Variants in HEATR5A observed in about 807,000 individuals in gnomAD.
HEATR5A encodes the protein HEAT repeat containing 5A, also known as HEAT repeat-containing protein 5A.
HEATR5A carries 178 observed loss-of-function variants against 218.8 expected under a neutral mutation model. The observed-to-expected ratio is 0.81, with a 90% CI of 0.72 to 0.92. The LOEUF (loss-of-function observed/expected upper bound fraction) is 0.92. HEATR5A is among the 40% of genes least tolerant of loss of function. The pLI is 0.00. For missense variants in HEATR5A, 2,420 were observed against 2,418.9 expected (o/e 1.00, Z -0.01); for synonymous variants, 864 against 871.6 (o/e 0.99, Z 0.15).
intron 3 of HEATR5A, among the ~76,000 whole-genome samples, chr14:31,400,067 G>A (rs972272531): frequency 6.6e-6 from 1 of 152,112 alleles, no homozygotes; most frequent in Non-Finnish European, 1.5e-5. Flanking sequence ...AAAATTTTAG[G>A]AAGATGTTTT....
intron 22 of HEATR5A, 28 bp downstream of exon 22, chr14:31,337,448 T>G (rs1375306788): frequency 5.2e-6 from 8 of 1,524,914 alleles, no homozygotes; most frequent in Non-Finnish European, 7.1e-6. Context: ...TCATTTGAGC[T>G]GGACATAATC....
chr14:31,419,281 AG>A (rs763393852), intron 1 of HEATR5A, among the ~76,000 whole-genome samples: 1 of 152,202 alleles, frequency 6.6e-6, no homozygotes, highest in Admixed American at 6.5e-5. Context: ...TTATCAGTGA[AG>A]AAAAAAAAAA....
intron 32 of HEATR5A, among the ~76,000 whole-genome samples, chr14:31,304,511 G>A (rs535855540): frequency 1.3e-5 from 2 of 152,076 alleles, no homozygotes; most frequent in African/African-American, 2.4e-5. Flanking sequence ...TCCGCCTCCC[G>A]GGTTCAAGCG....
At chr14:31,349,362 C>T (rs533436688) in intron 18 of HEATR5A, among the ~76,000 whole-genome samples, 12 of 151,390 alleles carry the variant, frequency 7.9e-5, no homozygotes, top group Non-Finnish European at 1.0e-4. Context: ...CCAGCCTGGG[C>T]GACAGGGTGA....
chr14:31,404,925 G>GA (rs2031003034), intron 1 of HEATR5A, among the ~76,000 whole-genome samples: 1 of 148,886 alleles, frequency 6.7e-6, no homozygotes. Flanking sequence ...ATAAAAAAAA[G>GA]AAAAAATCTG....
chr14:31,307,850 A>T, intron 30 of HEATR5A, 43 bp downstream of exon 30: 1 of 1,584,164 alleles, frequency 6.3e-7, no homozygotes, highest in Non-Finnish European at 8.5e-7. Flanking sequence ...TCTCTTCCTT[A>T]AAGACTACAG....
At chr14:31,383,159 A>G (rs1483327362) in intron 10 of HEATR5A, among the ~76,000 whole-genome samples, 1 of 152,198 alleles carries the variant, frequency 6.6e-6, no homozygotes, top group Admixed American at 6.5e-5. Flanking sequence ...ATTTGAATCT[A>G]ACGTATGGGA....
At chr14:31,366,837 C>T (rs548609349) in intron 13 of HEATR5A, among the ~76,000 whole-genome samples, 6 of 152,288 alleles carry the variant, frequency 3.9e-5, no homozygotes, top group Admixed American at 1.3e-4. Context: ...ACTAGGCTTG[C>T]ACCCATGGTA....
chr14:31,400,349 T>A lies in HEATR5A; in HGVS notation c.290A>T (p.Asp97Val). The A allele has an allele frequency of 6.5e-7, 1 of 1,535,880 alleles. No homozygotes were observed. Residue 97 changes from aspartate to valine, a missense_variant, in exon 3 of 36, where the codon GAT becomes GTT. Physicochemically the swap from Asp to Val is radical, Grantham distance 152 (BLOSUM62 -3). Coordinates refer to ENST00000543095, the MANE Select transcript of HEATR5A (RefSeq NM_015473.4). The stretch of plus-strand genomic sequence containing the variant: ...AGAATCATCTTTGCTACGAATAAGA[T>A]CATTACATTTATCGATTGCTTCATG... ...SVHEAIDKCN[D>V]LIRSKDDSPS...
chr14:31,312,823 A>G, intron 28 of HEATR5A, 145 bp downstream of exon 28: 8 of 642,172 alleles, frequency 1.2e-5, no homozygotes, highest in Non-Finnish European at 2.1e-5. Flanking sequence ...GCCTGAGCCC[A>G]GGAGGCAGAG....
At chr14:31,383,856 G>A in intron 9 of HEATR5A, 85 bp from the exon 10 acceptor site, 29 of 964,604 alleles carry the variant, frequency 3.0e-5, no homozygotes, top group South Asian at 1.4e-4. Flanking sequence ...ATAGCCACAT[G>A]GATATAAAAT....
At position 31,358,925 on chromosome 14, in the gene HEATR5A, T is replaced by G. The variant is rs1356028338; in HGVS notation, c.2204A>C (p.Gln735Pro). The change falls in exon 15 of 36, where the codon CAA becomes CCA. Residue 735 changes from glutamine to proline, a missense_variant. Gln to Pro is a moderately conservative substitution (Grantham distance 76, BLOSUM62 -1). Transcript: ENST00000543095. ...TTCAATAAATCTATGGTCAGTCTCT[T>G]GTAGGAAAGGACTTAGTATCAAAAG... ...DDLLILSPFL[Q>P]ETDHRFIEEQ... The G allele has an allele frequency of 1.9e-6, 3 of 1,594,606 alleles. No homozygotes were observed. The East Asian group carries it at 6.7e-5, about 36-fold the overall frequency.
At chr14:31,390,177 A>C (rs1566779553) in intron 6 of HEATR5A, among the ~76,000 whole-genome samples, 2 of 152,158 alleles carry the variant, frequency 1.3e-5, no homozygotes, top group Non-Finnish European at 2.9e-5. Flanking sequence ...ATGGGGATGG[A>C]GCAGTGGAGG....
intron 4 of HEATR5A, among the ~76,000 whole-genome samples, chr14:31,398,235 A>G (rs2030733046): frequency 6.6e-6 from 1 of 152,026 alleles, no homozygotes; most frequent in African/African-American, 2.4e-5. Context: ...CATCCTCTAC[A>G]CTCTTTCCCC....
chr14:31,321,406 T>C, intron 25 of HEATR5A, 93 bp downstream of exon 25: 1 of 987,330 alleles, frequency 1.0e-6, no homozygotes, highest in South Asian at 2.1e-5. Flanking sequence ...CCTCCCGAAG[T>C]GCTGGGATTA....
intron 14 of HEATR5A, among the ~76,000 whole-genome samples, chr14:31,362,868 T>C (rs982851591): frequency 4.6e-5 from 7 of 152,042 alleles, no homozygotes; most frequent in Non-Finnish European, 8.8e-5. Flanking sequence ...AAATGTTTAT[T>C]GAAGAGTTGA....
chr14:31,414,003 A>T (rs1457442734), intron 1 of HEATR5A, among the ~76,000 whole-genome samples: 1 of 152,242 alleles, frequency 6.6e-6, no homozygotes, highest in Non-Finnish European at 1.5e-5. Flanking sequence ...TTCCAGAGAC[A>T]TCAGCTTTCA....
intron 1 of HEATR5A, among the ~76,000 whole-genome samples, chr14:31,419,034 T>A (rs2031551820): frequency 6.6e-6 from 1 of 152,198 alleles, no homozygotes; most frequent in African/African-American, 2.4e-5. Context: ...GTATTTTCTG[T>A]GACTAAAGTC....
rs118173909 is a variant in HEATR5A, at chr14:31,367,990, C to T, written c.1962-3692G>A. Among the ~76,000 whole-genome samples the T allele has an allele frequency of 3.3e-5, 5 of 152,070 alleles. No individual in the cohort carries two copies. In the East Asian group the frequency reaches 5.8e-4, roughly 18 times the overall value. On this transcript the variant is annotated intron_variant, in intron 13 of 35. Transcript: ENST00000543095. ...TTGTTATCCATATTTAAAAACAAAA[C>T]GAAACTGAATCCTGCTATGGGGTCT...
Sources: gnomAD v4.1 joint callset for allele counts (sites outside exome capture counted in the v4.1 genomes callset) on GRCh38, gnomAD v4.1.1 for gene constraint, MANE v1.5 for transcripts, NCBI Gene and HGNC (gene_info 2026-07-23, HGNC 2026-07-21) for gene names.